P2RY10: variants seen among roughly 807,000 people sequenced by gnomAD.
P2RY10 encodes the protein P2Y receptor family member 10.
P2RY10 carries 4 observed loss-of-function variants against 12.1 expected under a neutral mutation model. The ratio of observed to expected loss-of-function variants is 0.33; its 90% confidence interval spans 0.16 to 0.76. The LOEUF (loss-of-function observed/expected upper bound fraction) is 0.76, where lower values mean the gene tolerates loss of function less well. P2RY10 is among the 30% of genes least tolerant of loss of function. The probability of loss-of-function intolerance (pLI) is 0.61; values close to 1 mark genes in which losing one functional copy is unlikely to be tolerated. For synonymous variants in P2RY10, 112 were observed against 94.1 expected, an observed-to-expected ratio of 1.19 and a Z score of -1.10; for missense variants, 233 against 264.6, an observed-to-expected ratio of 0.88 and a Z score of 0.83.
At position 78,946,290 on chromosome X, in the gene P2RY10, C is replaced by T. The variant is rs950118179; in HGVS notation, c.-206+795C>T. 5.4e-5 allele frequency among the ~76,000 whole-genome samples: 6 copies of T among 111,758 alleles called. No homozygotes were observed. In the East Asian group the frequency reaches 1.7e-3, roughly 31 times the overall value. On this transcript the variant is annotated intron_variant, in intron 1 of 3. Transcript: ENST00000171757. ...TTGATCCTTTGAAAGCTAATTTTGA[C>T]CGAAGTTCAGCCTTACTGGATAGCA...
In P2RY10 at chrX:78,962,966, C is replaced by T. The variant is rs987899836; in HGVS notation, c.*1426C>T. ...CTGCATTAGAAACAGAAAGTATTAT[C>T]CATCATAAATATGAGAAAAGTGTGT... is the stretch of plus-strand genomic sequence containing the variant. On this transcript the variant is annotated 3_prime_UTR_variant, in exon 4 of 4. Coordinates refer to ENST00000171757, the MANE Select transcript of P2RY10 (RefSeq NM_014499.4). 7.1e-5 allele frequency among the ~76,000 whole-genome samples: 8 copies of T among 112,071 alleles called. No individual in the cohort carries two copies. Among genetic ancestry groups the T allele is most frequent in the Non-Finnish European group, 1.3e-4 (7 of 53,167 alleles).
intron 3 of P2RY10, among the ~76,000 whole-genome samples, chrX:78,957,836 T>C (rs2036202901): frequency 8.9e-6 from 1 of 112,478 alleles, no homozygotes; most frequent in African/African-American, 3.2e-5. Context: ...TCTGGCATAA[T>C]TGGGCTCTGT....
chrX:78,950,718 C>CT, intron 2 of P2RY10, among the ~76,000 whole-genome samples: 1 of 111,679 alleles, frequency 9.0e-6, no homozygotes, highest in Non-Finnish European at 1.9e-5. Context: ...AAAACAATAG[C>CT]TTTTTTATCT....
At chrX:78,951,750 C>T (rs1274727929) in intron 2 of P2RY10, among the ~76,000 whole-genome samples, 4 of 111,175 alleles carry the variant, frequency 3.6e-5, no homozygotes, top group African/African-American at 9.8e-5. Context: ...TGTTTTTTTG[C>T]CCATATTTTC....
rs1335091532 is a variant in P2RY10, at chrX:78,962,508, G to A, written c.*968G>A. Among the ~76,000 whole-genome samples the A allele has an allele frequency of 4.5e-5, 5 of 111,687 alleles. No individual in the cohort carries two copies. Among genetic ancestry groups the A allele is most frequent in the Non-Finnish European group, 9.4e-5 (5 of 53,150 alleles). On this transcript the variant is annotated 3_prime_UTR_variant, in exon 4 of 4. Coordinates refer to ENST00000171757, the MANE Select transcript of P2RY10 (RefSeq NM_014499.4). ...GGTCTATACTAAATTAGCCTTCAAT[G>A]ATGAAGACAGACTAAAGCTAAGCCA...
intron 3 of P2RY10, among the ~76,000 whole-genome samples, chrX:78,954,676 G>C (rs1457809024): frequency 4.5e-5 from 5 of 111,925 alleles, no homozygotes; most frequent in Non-Finnish European, 9.4e-5. Context: ...CTTATTGAAG[G>C]CAACAACCAT....
At position 78,963,352 on chromosome X, in the gene P2RY10, C is replaced by T. The variant is rs780052594; in HGVS notation, c.*1812C>T. On this transcript the variant is annotated 3_prime_UTR_variant, in exon 4 of 4. Transcript: ENST00000171757. Reference sequence around the variant, plus strand: ...TTCCTTGTACTTTATTAATCTGAATCTAATGGCACTTCCTTACGAGGGTTT... The same window carrying T: ...TTCCTTGTACTTTATTAATCTGAATTTAATGGCACTTCCTTACGAGGGTTT... Among the ~76,000 whole-genome samples, 17 of 112,456 alleles carry T rather than the reference C, an allele frequency of 1.5e-4. No individual in the cohort carries two copies. Among genetic ancestry groups the T allele is most frequent in the Non-Finnish European group, 3.8e-5 (2 of 53,269 alleles).
At chrX:78,953,427 C>T (rs977561703) in intron 3 of P2RY10, among the ~76,000 whole-genome samples, 1 of 111,772 alleles carries the variant, frequency 8.9e-6, no homozygotes, top group Non-Finnish European at 1.9e-5. Context: ...GCAGATAGTA[C>T]AAAATTGAAA....
chrX:78,947,349 C>T (rs923245675), intron 1 of P2RY10, among the ~76,000 whole-genome samples: 5 of 111,840 alleles, frequency 4.5e-5, no homozygotes, highest in East Asian at 5.6e-4. Flanking sequence ...AATGGTTCCC[C>T]GGTGGTCTAT....
chrX:78,950,246 GTGA>G, intron 2 of P2RY10, among the ~76,000 whole-genome samples: 1 of 111,328 alleles, frequency 9.0e-6, no homozygotes, highest in Non-Finnish European at 1.9e-5. Context: ...AGTGTCAATG[GTGA>G]TGATATTAGT....
intron 2 of P2RY10, among the ~76,000 whole-genome samples, chrX:78,949,697 A>T (rs1008554120): frequency 7.1e-5 from 8 of 112,443 alleles, no homozygotes. Context: ...AAGGATAAAA[A>T]TAATTTTCAC....
chrX:78,959,870 T>C (rs1315860626), intron 3 of P2RY10, among the ~76,000 whole-genome samples: 1 of 112,185 alleles, frequency 8.9e-6, no homozygotes, highest in Non-Finnish European at 1.9e-5. Flanking sequence ...TATGTAAATT[T>C]GGATACCCAA....
At position 78,952,211 on chromosome X, in the gene P2RY10, T is replaced by C. The variant is rs761721681; in HGVS notation, c.-138T>C. The C allele has an allele frequency of 2.5e-5, 19 of 750,955 alleles. No homozygotes were observed. The highest frequency in any genetic ancestry group is 3.0e-5 in the Non-Finnish European group (19 of 636,188). The allele number at this position is 750,955 out of a possible 1,213,427, so 61.9% of individuals were successfully genotyped here. Reference sequence around the variant, plus strand: ...TTATTAGGTTAAAACTCTATGCTGGTCATTCCCTTCAGGATTTGGCACTCA... The same window carrying C: ...TTATTAGGTTAAAACTCTATGCTGGCCATTCCCTTCAGGATTTGGCACTCA... On this transcript the variant is annotated 5_prime_UTR_variant, in exon 3 of 4. Coordinates refer to ENST00000171757, the MANE Select transcript of P2RY10 (RefSeq NM_014499.4).
chrX:78,952,100 CT>C (rs1162364664), intron 2 of P2RY10, 92 bp from the exon 3 acceptor site: 2 of 361,862 alleles, frequency 5.5e-6, no homozygotes, highest in Non-Finnish European at 7.1e-6. Context: ...TGATCTCATT[CT>C]TTTTATGGCT....
chrX:78,952,148 T>C, intron 2 of P2RY10, 45 bp from the exon 3 acceptor site: 1 of 660,619 alleles, frequency 1.5e-6, no homozygotes, highest in Non-Finnish European at 1.8e-6. Flanking sequence ...AAGTGAATCC[T>C]GTTATTTCAG....
chrX:78,948,458 CT>C lies in P2RY10; in HGVS notation c.-157+602del, dbSNP rs746162977. Among the ~76,000 whole-genome samples, 3 of 111,444 alleles carry C rather than the reference CT, an allele frequency of 2.7e-5. No individual in the cohort carries two copies. The Admixed American group carries it at 2.9e-4, about 11-fold the overall frequency. On this transcript the variant is annotated intron_variant, in intron 2 of 3. Coordinates refer to ENST00000171757, the MANE Select transcript of P2RY10 (RefSeq NM_014499.4). ...AAATAGGTACTTTTACACACATTTT[CT>C]TTTTTTCATTTCTATTTCAATATTT... is the stretch of plus-strand genomic sequence containing the variant.
At position 78,960,566 on chromosome X, in the gene P2RY10, A is replaced by C; in HGVS notation, c.46A>C (p.Asn16His). ...KYTETFKMGS[N>H]STSTAEIYCN... ...CACTGAAACATTCAAGATGGGTAGC[A>C]ACAGTACCAGCACTGCTGAGATTTA... The change falls in exon 4 of 4, where the codon AAC becomes CAC. Residue 16 changes from asparagine (N) to histidine (H), a missense_variant. Physicochemically the swap from Asn to His is moderately conservative, Grantham distance 68. Transcript: ENST00000171757. 3.3e-6 allele frequency: 4 copies of C among 1,209,905 alleles called. No homozygotes were observed. The highest frequency in any genetic ancestry group is 4.5e-6 in the Non-Finnish European group (4 of 893,737).
At chrX:78,954,352 T>C (rs1325943694) in intron 3 of P2RY10, among the ~76,000 whole-genome samples, 1 of 111,289 alleles carries the variant, frequency 9.0e-6, no homozygotes, top group African/African-American at 3.3e-5. Flanking sequence ...TACCTCCCAT[T>C]TCACCCTCCC....
intron 2 of P2RY10, among the ~76,000 whole-genome samples, chrX:78,951,052 T>C (rs1922080246): frequency 8.9e-6 from 1 of 111,887 alleles, no homozygotes; most frequent in Non-Finnish European, 1.9e-5. Context: ...GCCATAATAA[T>C]ATAAGCTCAG....
Sources: gnomAD v4.1 joint callset for allele counts (sites outside exome capture counted in the v4.1 genomes callset) on GRCh38, gnomAD v4.1.1 for gene constraint, MANE v1.5 for transcripts, NCBI Gene and HGNC (gene_info 2026-07-23, HGNC 2026-07-21) for gene names.